The following RPS6KA2 variants were observed in gnomAD, a reference collection of about 807,000 sequenced individuals.
RPS6KA2 encodes the protein ribosomal protein S6 kinase alpha-2.
RPS6KA2 carries 42 observed loss-of-function variants against 91.8 expected under a neutral mutation model. The ratio of observed to expected loss-of-function variants is 0.46; its 90% CI spans 0.36 to 0.59. RPS6KA2 has a LOEUF of 0.59. Among genes scored for constraint, RPS6KA2 ranks in the 20% least tolerant of loss-of-function variants. The pLI is 0.00. For synonymous variants in RPS6KA2, 414 were observed against 393.6 expected, an observed-to-expected ratio of 1.05 and a Z score of -0.61; for missense variants, 798 against 978.5, an observed-to-expected ratio of 0.82 and a Z score of 2.46.
At chr6:166,488,401 C>T (rs564610640) in intron 10 of RPS6KA2, among the ~76,000 whole-genome samples, 2 of 152,254 alleles carry the variant, frequency 1.3e-5, no homozygotes, top group East Asian at 3.9e-4. Context: ...AATACGCTGT[C>T]ACATACACGA....
At chr6:166,485,001 G>C (rs899637179) in intron 10 of RPS6KA2, among the ~76,000 whole-genome samples, 57 of 152,176 alleles carry the variant, frequency 3.7e-4, no homozygotes, top group African/African-American at 1.4e-3. Flanking sequence ...CACCGTGCCG[G>C]GGGAAACCTG....
chr6:166,704,848 T>C (rs947318417), intron 2 of RPS6KA2, among the ~76,000 whole-genome samples: 1 of 152,236 alleles, frequency 6.6e-6, no homozygotes, highest in African/African-American at 2.4e-5. Flanking sequence ...TCTTTTTCCT[T>C]ATTACAGTAA....
intron 5 of RPS6KA2, among the ~76,000 whole-genome samples, chr6:166,506,799 G>T (rs1355093007): frequency 2.0e-5 from 3 of 152,264 alleles, no homozygotes. Flanking sequence ...AAAAGGGAGT[G>T]GGGGGTGTGA....
At chr6:166,584,772 G>C (rs1785117628) in intron 1 of RPS6KA2, among the ~76,000 whole-genome samples, 1 of 152,234 alleles carries the variant, frequency 6.6e-6, no homozygotes, top group African/African-American at 2.4e-5. Flanking sequence ...GAGGAGCTGT[G>C]AGCTCAGAAA....
intron 2 of RPS6KA2, among the ~76,000 whole-genome samples, chr6:166,708,587 C>A (rs1381839592): frequency 6.6e-6 from 1 of 152,184 alleles, no homozygotes; most frequent in African/African-American, 2.4e-5. Context: ...CTGGCAAAAG[C>A]TAAGAAGTTA....
chr6:166,458,106 C>T (rs1229191955), intron 12 of RPS6KA2, among the ~76,000 whole-genome samples: 1 of 152,160 alleles, frequency 6.6e-6, no homozygotes, highest in Non-Finnish European at 1.5e-5. Context: ...AGGCCCTACC[C>T]CCAAGTGTAA....
At chr6:166,463,373 C>G (rs3817789) in intron 11 of RPS6KA2, 50,081 of 152,000 alleles carry the variant, frequency 0.33, 8,426 homozygotes, top group Admixed American at 0.42. Flanking sequence ...CTGGATCCCC[C>G]CTTTCTGAGA....
intron 16 of RPS6KA2, among the ~76,000 whole-genome samples, chr6:166,425,512 G>A (rs1375867087): frequency 6.6e-6 from 1 of 152,266 alleles, no homozygotes; most frequent in East Asian, 1.9e-4. Flanking sequence ...TGGCAAATTG[G>A]ATAGAGTGTC....
chr6:166,624,026 A>T (rs1224833929), intron 1 of RPS6KA2, among the ~76,000 whole-genome samples: 1 of 152,224 alleles, frequency 6.6e-6, no homozygotes, highest in Non-Finnish European at 1.5e-5. Context: ...AGTTTTGCCA[A>T]GCATAAATGT....
chr6:166,747,005 C>T (rs538887825), intron 2 of RPS6KA2, among the ~76,000 whole-genome samples: 8 of 152,348 alleles, frequency 5.3e-5, no homozygotes, highest in East Asian at 1.9e-4. Flanking sequence ...CTGGGCAGCA[C>T]GACCCTGCGG....
chr6:166,640,571 G>A (rs559444892), intron 2 of RPS6KA2, among the ~76,000 whole-genome samples: 1 of 152,196 alleles, frequency 6.6e-6, no homozygotes, highest in Non-Finnish European at 1.5e-5. Flanking sequence ...TGGGCAACCT[G>A]CTGGGTCACG....
At position 166,770,801 on chromosome 6, in the gene RPS6KA2, T is replaced by TAA; in HGVS notation, c.123+87397_123+87398dup. ...ATTGAAAAAGACTTCATGTTTAACT[T>TAA]AAAAAAAAAATGTAACTCACATAAG... is the stretch of plus-strand genomic sequence containing the variant. On this transcript the variant is annotated intron_variant, in intron 2 of 21. Transcript: ENST00000503859. The surrounding 1 kb of genome is among the most constrained non-coding windows in gnomAD (Gnocchi z 5.1). 7.6e-6 allele frequency: 10 copies of TAA among 1,323,938 alleles called. No individual in the cohort carries two copies. Among genetic ancestry groups the TAA allele is most frequent in the Admixed American group, 7.2e-5 (3 of 41,610 alleles). The allele number at this position is 1,323,938 out of a possible 1,614,324, so 82.0% of individuals were successfully genotyped here.
Position 166,767,144 on chromosome 6 carries a change from G to C in RPS6KA2, c.123+91056C>G, listed in dbSNP as rs1015098295. On this transcript the variant is annotated intron_variant, in intron 2 of 21. Transcript: ENST00000503859. This position sits in a 1 kb window ranked among gnomAD's most constrained non-coding sequence, Gnocchi z 4.6. ...AAGCCAGCTCCACCATGGAATTTTT[G>C]TCTCTGAAAACAGACTGAAGAACCA... 6.6e-6 allele frequency among the ~76,000 whole-genome samples: 1 copy of C among 152,186 alleles called. No individual in the cohort carries two copies.
chr6:166,628,972 A>G (rs1054323693), upstream of RPS6KA2, among the ~76,000 whole-genome samples: 1 of 152,240 alleles, frequency 6.6e-6, no homozygotes, highest in Non-Finnish European at 1.5e-5. Flanking sequence ...TTAAGTGCCC[A>G]TGAAAACTGC....
chr6:166,682,305 T>C (rs1465529708), intron 2 of RPS6KA2, among the ~76,000 whole-genome samples: 2 of 152,218 alleles, frequency 1.3e-5, no homozygotes, highest in Admixed American at 6.5e-5. Context: ...ACATTGGTAT[T>C]GAGGTGTCGT....
intron 1 of RPS6KA2, among the ~76,000 whole-genome samples, chr6:166,608,466 G>GA (rs1001471817): frequency 1.3e-4 from 19 of 149,926 alleles, no homozygotes; most frequent in Non-Finnish European, 1.3e-4. Context: ...ATCGGCGCAT[G>GA]AAAAAAAAAA....
chr6:166,615,004 C>T, intron 1 of RPS6KA2, among the ~76,000 whole-genome samples: 1 of 152,128 alleles, frequency 6.6e-6, no homozygotes, highest in East Asian at 1.9e-4. Flanking sequence ...ATCCAGCCTT[C>T]CACACCCACC....
intron 2 of RPS6KA2, among the ~76,000 whole-genome samples, chr6:166,823,036 T>C (rs1034536645): frequency 6.6e-6 from 1 of 152,122 alleles, no homozygotes; most frequent in Non-Finnish European, 1.5e-5. Context: ...TCACCAAAAC[T>C]GAAGAAAAAG....
In RPS6KA2 at chr6:166,434,403, A is replaced by G. The variant is rs1050540706; in HGVS notation, c.1333-1913T>C. ...CTAATTCTATTGCCAACATAAATGC[A>G]TCATTCTCAAGTAGAGACTTTTAAA... On this transcript the variant is annotated intron_variant, in intron 14 of 20. Transcript: ENST00000265678. This position sits in a 1 kb window ranked among gnomAD's most constrained non-coding sequence, Gnocchi z 4.4. Among the ~76,000 whole-genome samples the G allele has an allele frequency of 2.6e-5, 4 of 152,166 alleles. No homozygotes were observed. The highest frequency in any genetic ancestry group is 9.7e-5 in the African/African-American group (4 of 41,432).
Sources: gnomAD v4.1 joint callset for allele counts (sites outside exome capture counted in the v4.1 genomes callset) on GRCh38, gnomAD v4.1.1 for gene constraint, Gnocchi (gnomAD v3.1) non-coding constraint, MANE v1.5 for transcripts, NCBI Gene and HGNC (gene_info 2026-07-23, HGNC 2026-07-21) for gene names.